HOXA3: variants seen among roughly 807,000 people sequenced by gnomAD.
The protein encoded by HOXA3 is homeobox A3.
A neutral mutation model predicts 30.3 loss-of-function variants in HOXA3; 8 were observed. The ratio of observed to expected loss-of-function variants is 0.26; its 90% CI spans 0.15 to 0.48. The LOEUF (loss-of-function observed/expected upper bound fraction) is 0.48. Ranked by LOEUF, HOXA3 falls within the 20% of genes least tolerant of loss-of-function variation. HOXA3 has a pLI of 0.99. For missense variants in HOXA3, 653 were observed against 614.4 expected, an observed-to-expected ratio of 1.06 and a Z score of -0.66; for synonymous variants, 323 against 273.1, an observed-to-expected ratio of 1.18 and a Z score of -1.80.
chr7:27,115,453 G>A (rs1010840052), intron 4 of HOXA3: 2 of 152,234 alleles, frequency 1.3e-5, no homozygotes, highest in African/African-American at 4.8e-5. Context: ...CCGGTCGGAT[G>A]TGGCATTTGA....
intron 3 of HOXA3, among the ~76,000 whole-genome samples, chr7:27,125,009 G>A (rs1377823771): frequency 6.6e-6 from 1 of 152,146 alleles, no homozygotes; most frequent in Non-Finnish European, 1.5e-5. Flanking sequence ...GGGTGGCTTG[G>A]TTACAAAATC....
chr7:27,130,216 G>C (rs763699184), intron 2 of HOXA3: 6 of 1,522,908 alleles, frequency 3.9e-6, no homozygotes, highest in Non-Finnish European at 2.6e-6. Context: ...CGGGCACGCG[G>C]GGGCGCTGCC....
chr7:27,133,533 C>T (rs1482685985), intron 2 of HOXA3, among the ~76,000 whole-genome samples: 1 of 152,188 alleles, frequency 6.6e-6, no homozygotes, highest in Non-Finnish European at 1.5e-5. Context: ...AACTGGTGAG[C>T]ACGTTTGCTC....
chr7:27,111,019 C>T (rs1359654671), intron 4 of HOXA3, among the ~76,000 whole-genome samples: 1 of 152,096 alleles, frequency 6.6e-6, no homozygotes, highest in East Asian at 1.9e-4. Context: ...AGCTGATTCT[C>T]AGGAGCCGGG....
chr7:27,136,482 T>C (rs148042509), intron 2 of HOXA3, among the ~76,000 whole-genome samples: 1 of 152,290 alleles, frequency 6.6e-6, no homozygotes, highest in African/African-American at 2.4e-5. Flanking sequence ...GTGGAGACAC[T>C]TTTTCCCTTT....
At position 27,110,452 on chromosome 7, in the gene HOXA3, C is replaced by T; in HGVS notation, c.189G>A (p.Lys63=). ...QSPSSAGGHP[K]AHELSEACLR... ...GGCACGCCTCACTCAGTTCGTGTGC[C>T]TTGGGGTGGCCCCCGGCGCTGGAGG... Residue 63 remains lysine, a synonymous_variant, in exon 5 of 6, where the codon AAG becomes AAA. Transcript: ENST00000612286. 1 of 1,588,736 alleles carries T rather than the reference C, an allele frequency of 6.3e-7. No homozygotes were observed. Among genetic ancestry groups the T allele is most frequent in the Non-Finnish European group, 8.6e-7 (1 of 1,166,078 alleles).
At chr7:27,147,387 T>TC in intron 1 of HOXA3, 1 of 1,614,196 alleles carries the variant, frequency 6.2e-7, no homozygotes, top group Non-Finnish European at 8.5e-7. Context: ...CATGGAGTGC[T>TC]TTGCCCTGCC....
intron 2 of HOXA3, chr7:27,130,514 A>G: frequency 7.6e-7 from 1 of 1,322,494 alleles, no homozygotes; most frequent in South Asian, 2.2e-5. Context: ...CGCGGCGCGT[A>G]GTAGGAGGCA....
intron 1 of HOXA3, chr7:27,151,808 T>C (rs1782981042): frequency 2.5e-6 from 1 of 397,234 alleles, no homozygotes; most frequent in Admixed American, 2.7e-5. Context: ...TCTTCCCACC[T>C]TCCCAGGTCA....
chr7:27,110,833 T>C (rs1784331084), intron 4 of HOXA3, 73 bp from the exon 5 acceptor site: 1 of 736,794 alleles, frequency 1.4e-6, no homozygotes, highest in Non-Finnish European at 2.1e-6. Flanking sequence ...CTAAGTGACA[T>C]GAAAGCCATA....
At chr7:27,142,890 A>G in intron 1 of HOXA3, 1 of 665,262 alleles carries the variant, frequency 1.5e-6, no homozygotes, top group Non-Finnish European at 2.5e-6. Flanking sequence ...GAAGAGGAGG[A>G]AGGAGGAAGG....
In HOXA3 at chr7:27,130,725, C is replaced by A. The variant is rs141143994; in HGVS notation, c.-389-3655G>T. Reference sequence around the variant, plus strand: ...AGTTGGAGTTTATCAAAAACGAGCTCATGGTCATTAATTTGTGAAGTGCAA... The same window carrying A: ...AGTTGGAGTTTATCAAAAACGAGCTAATGGTCATTAATTTGTGAAGTGCAA... On this transcript the variant is annotated intron_variant, in intron 2 of 5. Coordinates refer to ENST00000612286, the MANE Select transcript of HOXA3 (RefSeq NM_153631.3). The A allele has an allele frequency of 9.8e-5, 158 of 1,606,414 alleles. No individual in the cohort carries two copies. In the Middle Eastern group the frequency reaches 3.6e-3, roughly 37 times the overall value.
rs1405582372 is a variant in HOXA3, at chr7:27,107,226, AT to A, written c.*688del. On this transcript the variant is annotated 3_prime_UTR_variant, in exon 6 of 6. Transcript: ENST00000612286. ...TAAAGGAATTATATTTCTCTTTCAA[AT>A]AAAAAAAATTCTAAGTACGCCAATA... 6.6e-6 allele frequency: 1 copy of A among 152,236 alleles called. No homozygotes were observed. Among genetic ancestry groups the A allele is most frequent in the African/African-American group, 2.4e-5 (1 of 41,450 alleles). 9.4% of individuals were successfully genotyped at this position (152,236 alleles called of 1,614,324 possible).
chr7:27,137,856 C>A (rs1257114407), intron 2 of HOXA3, among the ~76,000 whole-genome samples: 1 of 152,212 alleles, frequency 6.6e-6, no homozygotes, highest in African/African-American at 2.4e-5. Context: ...AGGCTTTCTG[C>A]TCATTCCCAC....
At chr7:27,127,381 G>A (rs1044647416) in intron 2 of HOXA3, among the ~76,000 whole-genome samples, 10 of 152,102 alleles carry the variant, frequency 6.6e-5, no homozygotes, top group Non-Finnish European at 7.3e-5. Flanking sequence ...GGTATAGAAC[G>A]GATCACCCTT....
At position 27,141,826 on chromosome 7, in the gene HOXA3, C is replaced by T; in HGVS notation, c.-493-1640G>A. ...CTAATACTGCTCAGTACTTTAAACG[C>T]TCAGATACTCAGGGACGGAAGGCCC... is the stretch of plus-strand genomic sequence containing the variant. On this transcript the variant is annotated intron_variant, in intron 1 of 5. Coordinates refer to ENST00000612286, the MANE Select transcript of HOXA3 (RefSeq NM_153631.3). The T allele has an allele frequency of 1.2e-6, 2 of 1,613,334 alleles. 1 individual carries two copies. The highest frequency in any genetic ancestry group is 2.2e-5 in the South Asian group (2 of 91,012).
chr7:27,136,330 T>G (rs1785713479), intron 2 of HOXA3, among the ~76,000 whole-genome samples: 1 of 152,248 alleles, frequency 6.6e-6, no homozygotes, highest in African/African-American at 2.4e-5. Context: ...AATCAGCCTA[T>G]GACCTCTTCG....
In HOXA3 at chr7:27,108,286, G is replaced by T. The variant is rs979280899; in HGVS notation, c.961C>A (p.Pro321Thr). 2 of 1,519,066 alleles carry T rather than the reference G, an allele frequency of 1.3e-6. No homozygotes were observed. Among genetic ancestry groups the T allele is most frequent in the Non-Finnish European group, 1.8e-6 (2 of 1,133,634 alleles). The allele number at this position is 1,519,066 out of a possible 1,614,324, so 94.1% of individuals were successfully genotyped here. A position where few individuals can be genotyped will look rare whatever the true frequency, so the allele number is the denominator to read the frequency against. The change falls in exon 6 of 6, where the codon CCC becomes ACC. Residue 321 changes from proline (P) to threonine (T), a missense_variant. Pro to Thr is a conservative substitution (Grantham distance 38). Around this residue, in one of 3 missense-constraint regions of HOXA3, gnomAD observed 330 missense variants for 274.4 expected, o/e 1.20. Coordinates refer to ENST00000612286, the MANE Select transcript of HOXA3 (RefSeq NM_153631.3). This position sits in a 1 kb window ranked among gnomAD's most constrained non-coding sequence, Gnocchi z 5.0. Reference protein sequence around the residue: ...SYPASLPSCAPPPPPQKRYTA... With the variant: ...SYPASLPSCATPPPPQKRYTA... ...TAGCGCTTCTGTGGGGGTGGCGGGGGTGCGCAGCTGGGCAGGGACGCAGGG... is the reference window on the plus strand; with the variant it reads ...TAGCGCTTCTGTGGGGGTGGCGGGGTTGCGCAGCTGGGCAGGGACGCAGGG...
At chr7:27,134,093 C>G (rs1785644549) in intron 2 of HOXA3, 1 of 152,162 alleles carries the variant, frequency 6.6e-6, no homozygotes. Context: ...CGAGAGTCCC[C>G]CAGACTGTTC....
Sources: allele counts gnomAD v4.1 joint callset (sites outside exome capture counted in the v4.1 genomes callset), GRCh38; gene constraint gnomAD v4.1.1; regional missense constraint gnomAD v4.1.1; non-coding constraint Gnocchi (gnomAD v3.1); transcripts MANE v1.5; gene names NCBI Gene and HGNC (gene_info 2026-07-23, HGNC 2026-07-21).